The following PEX5 variants were observed in gnomAD, a reference collection of about 807,000 sequenced individuals.
PEX5 encodes peroxisomal biogenesis factor 5.
Under a neutral mutation model 82.9 loss-of-function variants are expected in PEX5, and 52 were observed. That is an observed-to-expected ratio of 0.63 (90% CI 0.50 to 0.79). PEX5 has a LOEUF of 0.79. Among genes scored for constraint, PEX5 ranks in the 30% least tolerant of loss-of-function variants. PEX5 has a pLI of 0.00. For synonymous variants in PEX5, 300 were observed against 318.8 expected, an observed-to-expected ratio of 0.94 and a Z score of 0.63; for missense variants, 719 against 815.2, an observed-to-expected ratio of 0.88 and a Z score of 1.44.
In PEX5 at chr12:7,210,290, C is replaced by G; in HGVS notation, c.*67C>G. The G allele has an allele frequency of 6.7e-7, 1 of 1,491,150 alleles. No individual in the cohort carries two copies. The highest frequency in any genetic ancestry group is 9.3e-7 in the Non-Finnish European group (1 of 1,072,826). 92.4% of individuals were successfully genotyped at this position (1,491,150 alleles called of 1,614,324 possible). A position where few individuals can be genotyped will look rare whatever the true frequency, so the allele number is the denominator to read the frequency against. ...CCCCGCTTTGGATGTGATTCCCTCT[C>G]CCCAAATGGGCCTACCAAGGGGGCG... On this transcript the variant is annotated 3_prime_UTR_variant, in exon 16 of 16. Coordinates refer to ENST00000675855, the MANE Select transcript of PEX5 (RefSeq NM_001351132.2).
Position 7,217,760 on chromosome 12 carries a change from T to C in PEX5, c.*20-642T>C, listed in dbSNP as rs748758193. Among the ~76,000 whole-genome samples the C allele has an allele frequency of 1.5e-4, 23 of 152,318 alleles. No individual in the cohort carries two copies. In the South Asian group the frequency reaches 3.5e-3, roughly 23 times the overall value. On this transcript the variant is annotated intron_variant, in intron 17 of 17. Transcript: ENST00000455147. ...GCAGGGGCTTTGCAGCCTCCACCCA[T>C]ACACCCAAGCTGGAAATGACTTAGG...
In PEX5 at chr12:7,203,753, A is replaced by G. The variant is rs908243631; in HGVS notation, c.966+202A>G. Among the ~76,000 whole-genome samples the G allele has an allele frequency of 2.0e-5, 3 of 152,210 alleles. 1 individual carries two copies. The highest frequency in any genetic ancestry group is 7.2e-5 in the African/African-American group (3 of 41,450). On this transcript the variant is annotated intron_variant, in intron 10 of 15. Transcript: ENST00000675855. ...TTGGGATATAGATGTTAATGAGACT[A>G]TCTTTGTCAATAACGACAGTCCAGT...
rs187029046 is a variant in PEX5, at chr12:7,209,686, T to A, written c.1564T>A (p.Tyr522Asn). 2 of 1,476,200 alleles carry A rather than the reference T, an allele frequency of 1.4e-6. No homozygotes were observed. The highest frequency in any genetic ancestry group is 1.8e-6 in the Non-Finnish European group (2 of 1,101,742). The allele number at this position is 1,476,200 out of a possible 1,614,324, so 91.4% of individuals were successfully genotyped here. ...TAALSVRPND[Y>N]LLWNKLGATL... is the part of the protein sequence containing the mutation. Reference sequence around the variant, plus strand: ...CCGTTCTGCATCCCTATCCCAGGACTATTTGCTGTGGAATAAGCTAGGCGC... The same window carrying A: ...CCGTTCTGCATCCCTATCCCAGGACAATTTGCTGTGGAATAAGCTAGGCGC... The change falls in exon 15 of 16, where the codon TAT becomes AAT. Residue 522 changes from tyrosine to asparagine, a missense_variant. Coordinates refer to ENST00000675855, the MANE Select transcript of PEX5 (RefSeq NM_001351132.2).
Position 7,190,498 on chromosome 12 carries a change from C to T in PEX5, c.121C>T (p.Pro41Ser), listed in dbSNP as rs781410836. ...GGAGGGATTGAGGCCTGGCCCCTGG[C>T]CCCCCGGAGCCCCGGCCTCTGAGGC... Reference protein sequence around the residue: ...RQEGLRPGPWPPGAPASEAAS... With the variant: ...RQEGLRPGPWSPGAPASEAAS... The change falls in exon 2 of 16, where the codon CCC becomes TCC. Residue 41 changes from proline (P) to serine (S), a missense_variant. Transcript: ENST00000675855. The T allele has an allele frequency of 1.2e-6, 2 of 1,612,784 alleles. No individual in the cohort carries two copies. The highest frequency in any genetic ancestry group is 1.1e-5 in the South Asian group (1 of 91,006).
rs1591754256 is a variant in PEX5 at position 7,201,855 on chromosome 12, C to G, written c.642+14C>G. On this transcript the variant is annotated intron_variant, in intron 7 of 15. Coordinates refer to ENST00000675855, the MANE Select transcript of PEX5 (RefSeq NM_001351132.2). The stretch of plus-strand genomic sequence containing the variant: ...GCTAATTCTGAGGTGAGCCACATCC[C>G]TCTGCTGCTTTGCCCAGCAGAGCTG... 1 of 1,587,006 alleles carries G rather than the reference C, an allele frequency of 6.3e-7. No homozygotes were observed. Among genetic ancestry groups the G allele is most frequent in the Middle Eastern group, 1.7e-4 (1 of 5,986 alleles).
Position 7,209,733 on chromosome 12 carries a change from G to C in PEX5, c.1611G>C (p.Gln537His). ...GCGCCACCCTGGCCAATGGAAACCA[G>C]AGTGAAGAAGCAGTAGCTGCGTACC... is the stretch of plus-strand genomic sequence containing the variant. ...KLGATLANGNQSEEAVAAYRR... is the reference protein window; with the variant it reads ...KLGATLANGNHSEEAVAAYRR... Residue 537 changes from glutamine to histidine, a missense_variant, in exon 15 of 16, where the codon CAG (glutamine) becomes CAC (histidine). Transcript: ENST00000675855. 4 of 1,478,984 alleles carry C rather than the reference G, an allele frequency of 2.7e-6. No individual in the cohort carries two copies. The highest frequency in any genetic ancestry group is 3.6e-6 in the Non-Finnish European group (4 of 1,108,180). The allele number at this position is 1,478,984 out of a possible 1,614,324, so 91.6% of individuals were successfully genotyped here.
intron 5 of PEX5, among the ~76,000 whole-genome samples, chr12:7,196,039 A>AATATATG (rs1942015408): frequency 7.2e-6 from 1 of 139,490 alleles, no homozygotes; most frequent in Non-Finnish European, 1.6e-5. Flanking sequence ...TATATTATAT[A>AATATATG]TATTATATAT....
downstream of PEX5, among the ~76,000 whole-genome samples, chr12:7,212,509 G>C (rs903025108): frequency 7.1e-6 from 1 of 141,256 alleles, no homozygotes; most frequent in African/African-American, 2.6e-5. Context: ...AAAAAAAACA[G>C]GTCTAAAAGA....
chr12:7,205,457 A>G (rs1036343469), intron 10 of PEX5, among the ~76,000 whole-genome samples: 1 of 152,226 alleles, frequency 6.6e-6, no homozygotes, highest in Non-Finnish European at 1.5e-5. Flanking sequence ...GACAATTTAC[A>G]TTGCAGCTCA....
intron 15 of PEX5, 50 bp downstream of exon 15, chr12:7,209,890 T>G (rs1305260793): frequency 1.2e-6 from 2 of 1,610,902 alleles, no homozygotes; most frequent in Non-Finnish European, 1.7e-6. Flanking sequence ...CTCCCTGCCT[T>G]TGGCCCTAGC....
intron 10 of PEX5, among the ~76,000 whole-genome samples, chr12:7,204,381 G>A (rs1944504652): frequency 6.6e-6 from 1 of 152,206 alleles, no homozygotes; most frequent in African/African-American, 2.4e-5. Flanking sequence ...GATGGATCTT[G>A]ATGTAATAAG....
rs745564890 is a variant in PEX5, at chr12:7,191,549, TTCTC to T, written c.317-10_317-7del. 6.2e-6 allele frequency: 10 copies of T among 1,612,818 alleles called. No homozygotes were observed. Among genetic ancestry groups the T allele is most frequent in the African/African-American group, 2.7e-5 (2 of 74,872 alleles). Reference sequence around the variant, plus strand: ...GGTATGTATGTATTCTTTCTTAGTTTTCTCTCTCTCTCTTTTAAGCCCCTGGTGT... The same window carrying T: ...GGTATGTATGTATTCTTTCTTAGTTTTCTCTCTCTTTTAAGCCCCTGGTGT... On this transcript the variant is annotated splice_polypyrimidine_tract_variant and intron_variant, in intron 4 of 15. Coordinates refer to ENST00000675855, the MANE Select transcript of PEX5 (RefSeq NM_001351132.2).
chr12:7,199,782 C>T (rs1395166746), intron 6 of PEX5, among the ~76,000 whole-genome samples: 106 of 148,584 alleles, frequency 7.1e-4, no homozygotes, highest in Middle Eastern at 3.7e-3. Flanking sequence ...TAGGGGCGGC[C>T]GGGCAGAGGC....
chr12:7,205,742 A>G (rs1419010984), intron 10 of PEX5, among the ~76,000 whole-genome samples: 2 of 152,216 alleles, frequency 1.3e-5, no homozygotes, highest in African/African-American at 2.4e-5. Flanking sequence ...TTGATCAGCA[A>G]TTGATGAGAC....
intron 10 of PEX5, among the ~76,000 whole-genome samples, chr12:7,207,088 C>G (rs1944900144): frequency 6.6e-6 from 1 of 152,092 alleles, no homozygotes. Context: ...CTGTCAGATA[C>G]AGATTAATAT....
At chr12:7,189,992 C>A (rs927620653) in intron 1 of PEX5, 22 of 1,501,966 alleles carry the variant, frequency 1.5e-5, no homozygotes, top group Non-Finnish European at 1.8e-5. Flanking sequence ...TATGGTCGGG[C>A]TGTTTTCCCA....
chr12:7,202,875 G>T (rs776812951), intron 9 of PEX5, among the ~76,000 whole-genome samples, 171 bp downstream of exon 9: 71 of 152,180 alleles, frequency 4.7e-4, no homozygotes, highest in African/African-American at 1.7e-3. Flanking sequence ...CAGATTTCTG[G>T]GCCAGGCATG....
downstream of PEX5, among the ~76,000 whole-genome samples, chr12:7,214,599 G>A (rs375658465): frequency 6.8e-6 from 1 of 146,888 alleles, no homozygotes; most frequent in African/African-American, 2.5e-5. Context: ...ATAGCATTAG[G>A]AGATATACCT....
At chr12:7,206,129 ATTTAT>A in intron 10 of PEX5, among the ~76,000 whole-genome samples, 1 of 152,318 alleles carries the variant, frequency 6.6e-6, no homozygotes, top group South Asian at 2.1e-4. Context: ...ATGCAGAAGG[ATTTAT>A]TTTATTGAAC....
Sources: gnomAD v4.1 joint callset for allele counts (sites outside exome capture counted in the v4.1 genomes callset) on GRCh38, gnomAD v4.1.1 for gene constraint, MANE v1.5 for transcripts, NCBI Gene and HGNC (gene_info 2026-07-23, HGNC 2026-07-21) for gene names.